The following DOCK7 variants were observed in gnomAD, a reference collection of about 807,000 sequenced individuals.
DOCK7 encodes the protein dedicator of cytokinesis 7.
A neutral mutation model predicts 271.0 loss-of-function variants in DOCK7; 138 were observed. That is an observed-to-expected ratio of 0.51 (90% CI 0.44 to 0.59). The LOEUF (loss-of-function observed/expected upper bound fraction) is 0.59, where lower values mean the gene tolerates loss of function less well. Among genes scored for constraint, DOCK7 ranks in the 20% least tolerant of loss-of-function variants. The pLI is 0.00. For synonymous variants in DOCK7, 823 were observed against 876.1 expected (o/e 0.94, Z 1.07); for missense variants, 2,066 against 2,592.4 (o/e 0.80, Z 4.41).
chr1:62,491,124 A>G (rs1278612544), intron 41 of DOCK7, among the ~76,000 whole-genome samples: 1 of 152,244 alleles, frequency 6.6e-6, no homozygotes, highest in African/African-American at 2.4e-5. Flanking sequence ...CAACAGGTTA[A>G]ATAATTTGTG....
Position 62,455,376 on chromosome 1 carries a change from A to G in DOCK7, c.*38T>C, listed in dbSNP as rs767647635. 2.5e-6 allele frequency: 4 copies of G among 1,606,248 alleles called. No homozygotes were observed. Among genetic ancestry groups the G allele is most frequent in the East Asian group, 2.2e-5 (1 of 44,770 alleles). ...TCTTTTCACACTCGATGTTGAATAC[A>G]TGGCTCTTTGCAGATGAATAAAACA... is the stretch of plus-strand genomic sequence containing the variant. On this transcript the variant is annotated 3_prime_UTR_variant, in exon 50 of 50. Coordinates refer to ENST00000635253, the MANE Select transcript of DOCK7 (RefSeq NM_001367561.1).
chr1:62,553,312 T>TATATATATATATATA (rs1553168301), intron 21 of DOCK7, among the ~76,000 whole-genome samples: 2 of 20,586 alleles, frequency 9.7e-5, no homozygotes, highest in African/African-American at 4.0e-4. Flanking sequence ...AAAAAGTATT[T>TATATATATATATATA]TATATATATA....
intron 37 of DOCK7, among the ~76,000 whole-genome samples, chr1:62,496,789 T>C (rs1021455938): frequency 6.6e-6 from 1 of 152,192 alleles, no homozygotes; most frequent in Non-Finnish European, 1.5e-5. Context: ...ATGTTATTAA[T>C]ATAACATTTT....
At chr1:62,518,562 A>G (rs2149350428) in intron 31 of DOCK7, among the ~76,000 whole-genome samples, 1 of 147,954 alleles carries the variant, frequency 6.8e-6, no homozygotes, top group East Asian at 2.0e-4. Flanking sequence ...TGACAGAGTG[A>G]GACTCCATCT....
Position 62,494,402 on chromosome 1 carries a change from T to C in DOCK7, c.5090A>G (p.Lys1697Arg). ...RLTWLQNMAG[K>R]HSERSNHAEA... ...AGCATGATTGCTTCGTTCTGAGTGCTTGCCTGCCATGTTCTGCAACCAGGT... is the reference window on the plus strand; with the variant it reads ...AGCATGATTGCTTCGTTCTGAGTGCCTGCCTGCCATGTTCTGCAACCAGGT... The change falls in exon 40 of 50, where the codon AAG (lysine) becomes AGG (arginine). Residue 1697 changes from lysine (K) to arginine (R), a missense_variant. This residue lies in a region of DOCK7 where 652 missense variants were observed against 922.1 expected (regional missense o/e 0.71). Transcript: ENST00000635253. 1 of 1,613,016 alleles carries C rather than the reference T, an allele frequency of 6.2e-7. No homozygotes were observed. Among genetic ancestry groups the C allele is most frequent in the Non-Finnish European group, 8.5e-7 (1 of 1,179,216 alleles).
intron 22 of DOCK7, among the ~76,000 whole-genome samples, chr1:62,546,825 T>C (rs756933508): frequency 3.3e-5 from 5 of 152,230 alleles, no homozygotes; most frequent in Admixed American, 3.3e-4. Context: ...ATGTTTTTCA[T>C]AGAAGTTAAA....
chr1:62,603,824 G>T (rs1460144563), intron 14 of DOCK7: 1 of 718,832 alleles, frequency 1.4e-6, no homozygotes, highest in Non-Finnish European at 2.3e-6. Context: ...GTTTTAAAAG[G>T]TATTATTTTA....
intron 8 of DOCK7, among the ~76,000 whole-genome samples, chr1:62,636,007 C>T (rs1163123788): frequency 1.3e-5 from 2 of 152,156 alleles, no homozygotes. Context: ...AATCCCAGCA[C>T]TTTGGGAGGC....
chr1:62,661,271 A>C (rs558046649), intron 2 of DOCK7, among the ~76,000 whole-genome samples: 102 of 152,204 alleles, frequency 6.7e-4, no homozygotes, highest in African/African-American at 2.4e-3. Context: ...GGAGTTGGGA[A>C]GGGGGGAAAA....
chr1:62,574,198 T>A (rs1646873478), intron 18 of DOCK7, among the ~76,000 whole-genome samples: 2 of 152,118 alleles, frequency 1.3e-5, no homozygotes, highest in African/African-American at 4.8e-5. Flanking sequence ...CACACGGTAC[T>A]CTACGGAAAG....
At position 62,647,696 on chromosome 1, in the gene DOCK7, T is replaced by C. The variant is rs770538967; in HGVS notation, c.813A>G (p.Ser271=). ...FGQRLLVKCL[S]LKFEIEIEPI... ...TAAAAGAAATAAATACTCACTTGAG[T>C]GATAAGCATTTTACAAGAAGTCTTT... Residue 271 remains serine (S), a synonymous_variant, in exon 7 of 50, where the codon TCA becomes TCG. Coordinates refer to ENST00000635253, the MANE Select transcript of DOCK7 (RefSeq NM_001367561.1). 1.1e-5 allele frequency: 18 copies of C among 1,599,122 alleles called. No individual in the cohort carries two copies. In the Admixed American group the frequency reaches 2.8e-4, roughly 25 times the overall value.
chr1:62,481,185 G>T (rs550347215), intron 43 of DOCK7, among the ~76,000 whole-genome samples: 1 of 152,110 alleles, frequency 6.6e-6, no homozygotes, highest in African/African-American at 2.4e-5. Context: ...AAAGCCTACC[G>T]AGTGTGTTTG....
intron 22 of DOCK7, among the ~76,000 whole-genome samples, chr1:62,545,417 G>A (rs1297746668): frequency 6.6e-6 from 1 of 151,970 alleles, no homozygotes; most frequent in African/African-American, 2.4e-5. Flanking sequence ...AGGAAAAAAT[G>A]GAAGAAAAAC....
chr1:62,606,598 T>A (rs1557792180), intron 14 of DOCK7, among the ~76,000 whole-genome samples: 1 of 152,128 alleles, frequency 6.6e-6, no homozygotes, highest in Non-Finnish European at 1.5e-5. Flanking sequence ...ATAATAAGAA[T>A]ATCTTTTTTT....
chr1:62,560,427 T>A (rs528937659), intron 19 of DOCK7, among the ~76,000 whole-genome samples: 110 of 152,308 alleles, frequency 7.2e-4, no homozygotes, highest in African/African-American at 2.6e-3. Context: ...CATCTCCATC[T>A]GAAGTACGTA....
intron 47 of DOCK7, among the ~76,000 whole-genome samples, chr1:62,474,409 G>C (rs763674501): frequency 1.3e-5 from 2 of 152,190 alleles, no homozygotes; most frequent in African/African-American, 4.8e-5. Flanking sequence ...TGTAAAAGTT[G>C]TCAAGCTACT....
intron 41 of DOCK7, 45 bp downstream of exon 41, chr1:62,492,659 T>TA: frequency 1.9e-6 from 3 of 1,607,912 alleles, no homozygotes; most frequent in African/African-American, 1.3e-5. Flanking sequence ...CATTGATAAT[T>TA]AGAGGTATGA....
At chr1:62,478,333 G>C (rs1646024032) in intron 43 of DOCK7, 1 of 152,284 alleles carries the variant, frequency 6.6e-6, no homozygotes, top group Admixed American at 6.5e-5. Context: ...ACCTGGCATA[G>C]AGCAGGCAAT....
At chr1:62,514,894 T>C (rs547832966) in intron 31 of DOCK7, among the ~76,000 whole-genome samples, 1 of 152,132 alleles carries the variant, frequency 6.6e-6, no homozygotes, top group African/African-American at 2.4e-5. Context: ...TATTATACAA[T>C]GTTCTAATAC....
Sources: gnomAD v4.1 joint callset for allele counts (sites outside exome capture counted in the v4.1 genomes callset) on GRCh38, gnomAD v4.1.1 for gene constraint, gnomAD v4.1.1 regional missense constraint, MANE v1.5 for transcripts, NCBI Gene and HGNC (gene_info 2026-07-23, HGNC 2026-07-21) for gene names.